CACNA1A: variants seen among roughly 807,000 people sequenced by gnomAD.
CACNA1A encodes the protein calcium voltage-gated channel subunit alpha1 A, also known as voltage-dependent P/Q-type calcium channel subunit alpha-1A.
Under a neutral mutation model 262.4 loss-of-function variants are expected in CACNA1A, and 57 were observed. The ratio of observed to expected loss-of-function variants is 0.22; its 90% CI spans 0.18 to 0.27. The LOEUF (loss-of-function observed/expected upper bound fraction) is 0.27, where lower values mean the gene tolerates loss of function less well. Among genes scored for constraint, CACNA1A ranks in the 10% least tolerant of loss-of-function variants. The pLI is 1.00. For missense variants in CACNA1A, 2,526 were observed against 3,562.8 expected (o/e 0.71, Z 7.41); for synonymous variants, 1,431 against 1,419.3 (o/e 1.01, Z -0.18).
chr19:13,430,452 C>T (rs556601216), intron 3 of CACNA1A, among the ~76,000 whole-genome samples: 43 of 152,040 alleles, frequency 2.8e-4, no homozygotes, highest in Admixed American at 4.6e-4. Flanking sequence ...GGTATCTGCC[C>T]GCCTCGGCCT....
Position 13,477,111 on chromosome 19 carries a change from C to T in CACNA1A, c.294-21899G>A, listed in dbSNP as rs984255608. 3.9e-5 allele frequency among the ~76,000 whole-genome samples: 6 copies of T among 152,192 alleles called. No homozygotes were observed. The South Asian group carries it at 8.3e-4, about 21-fold the overall frequency. ...TGCTCACTGGCTTCAGCCACATCTG[C>T]CTCCTCACTGTCACACATGTCACAT... On this transcript the variant is annotated intron_variant, in intron 1 of 46. Transcript: ENST00000360228.
At chr19:13,247,504 T>C (rs1382268905) in intron 30 of CACNA1A, among the ~76,000 whole-genome samples, 3 of 152,014 alleles carry the variant, frequency 2.0e-5, no homozygotes, top group Non-Finnish European at 4.4e-5. Flanking sequence ...CCATCCTGGA[T>C]AACATGGTGA....
chr19:13,217,744 G>A (rs2055068249), intron 38 of CACNA1A, among the ~76,000 whole-genome samples: 1 of 152,130 alleles, frequency 6.6e-6, no homozygotes, highest in Non-Finnish European at 1.5e-5. Context: ...TGTCATAGAA[G>A]CTGGGGTGCT....
intron 3 of CACNA1A, among the ~76,000 whole-genome samples, chr19:13,425,974 T>C (rs924891839): frequency 3.3e-5 from 5 of 152,096 alleles, no homozygotes; most frequent in Non-Finnish European, 1.5e-5. Context: ...AGGAGAATCA[T>C]TTGGGCCTGG....
chr19:13,428,330 T>C (rs1259193484), intron 3 of CACNA1A, among the ~76,000 whole-genome samples: 1 of 152,204 alleles, frequency 6.6e-6, no homozygotes, highest in Non-Finnish European at 1.5e-5. Flanking sequence ...TTTACCTGGA[T>C]TATTAGGCTG....
At chr19:13,288,350 G>A (rs545985598) in intron 19 of CACNA1A, among the ~76,000 whole-genome samples, 15 of 151,418 alleles carry the variant, frequency 9.9e-5, no homozygotes, top group Non-Finnish European at 2.1e-4. Flanking sequence ...AGTGATCCTC[G>A]TGCCTCAGCC....
intron 10 of CACNA1A, among the ~76,000 whole-genome samples, chr19:13,327,519 GA>G (rs564901003): frequency 0.018 from 1,971 of 109,560 alleles, 20 homozygotes; most frequent in East Asian, 0.046. Context: ...CTCCATCTCA[GA>G]AAAAAAAAAA....
chr19:13,299,107 C>T lies in CACNA1A; in HGVS notation c.2526G>A (p.Glu842=). The change falls in exon 19 of 47, where the codon GAG becomes GAA. Residue 842 remains glutamate, a synonymous_variant. Transcript: ENST00000360228. ...GGCCGAGGCGCTGGTCCACGGTGGG[C>T]TCGGCCGCCCGGCTCTTGTTGGTGT... is the stretch of plus-strand genomic sequence containing the variant. ...NNNTNKSRAA[E]PTVDQRLGQQ... 2 of 1,612,228 alleles carry T rather than the reference C, an allele frequency of 1.2e-6. No homozygotes were observed. Among genetic ancestry groups the T allele is most frequent in the Non-Finnish European group, 1.7e-6 (2 of 1,179,688 alleles).
chr19:13,385,159 G>A (rs1204141289), intron 3 of CACNA1A, among the ~76,000 whole-genome samples: 1 of 151,888 alleles, frequency 6.6e-6, no homozygotes, highest in Non-Finnish European at 1.5e-5. Flanking sequence ...CATCAGTGCA[G>A]AAAGTTCCAT....
At chr19:13,363,748 T>C (rs2059155362) in intron 5 of CACNA1A, 1 of 152,134 alleles carries the variant, frequency 6.6e-6, no homozygotes, top group Non-Finnish European at 1.5e-5. Context: ...CCACCTGGGT[T>C]CCCCTTTGGG....
At chr19:13,220,975 G>T (rs1245922837) in intron 38 of CACNA1A, among the ~76,000 whole-genome samples, 1 of 151,384 alleles carries the variant, frequency 6.6e-6, no homozygotes, top group African/African-American at 2.4e-5. Flanking sequence ...AACAATATCT[G>T]TCCTCCACCC....
At chr19:13,346,068 C>T (rs530980601) in intron 6 of CACNA1A, among the ~76,000 whole-genome samples, 1 of 151,986 alleles carries the variant, frequency 6.6e-6, no homozygotes, top group Non-Finnish European at 1.5e-5. Context: ...GCCTGGCTAA[C>T]TTTTTTGTAT....
intron 4 of CACNA1A, among the ~76,000 whole-genome samples, chr19:13,368,338 CTTT>C (rs796514314): frequency 2.1e-5 from 3 of 140,652 alleles, no homozygotes; most frequent in African/African-American, 5.2e-5. Flanking sequence ...CTATCATTGG[CTTT>C]TTTTTTTTTT....
chr19:13,271,216 T>TTTTTTC, intron 24 of CACNA1A: 1 of 36,802 alleles, frequency 2.7e-5, no homozygotes. Flanking sequence ...ATTCTGCTGT[T>TTTTTTC]TTTTTTTTTT....
intron 1 of CACNA1A, among the ~76,000 whole-genome samples, chr19:13,492,883 T>A (rs570348526): frequency 1.3e-5 from 2 of 152,250 alleles, no homozygotes; most frequent in Admixed American, 1.3e-4. Context: ...CCTCCATCTC[T>A]AAGCTGATAT....
chr19:13,310,705 A>G (rs927521459), intron 12 of CACNA1A, among the ~76,000 whole-genome samples: 1 of 151,152 alleles, frequency 6.6e-6, no homozygotes, highest in Non-Finnish European at 1.5e-5. Flanking sequence ...ATGCCACAAA[A>G]TATTTATCTG....
intron 3 of CACNA1A, among the ~76,000 whole-genome samples, chr19:13,415,753 A>G (rs2060209224): frequency 1.4e-5 from 2 of 142,402 alleles, no homozygotes; most frequent in African/African-American, 5.1e-5. Context: ...TAAAAAAAAA[A>G]AAAAAAAAAA....
In CACNA1A at chr19:13,494,739, G is replaced by A. The variant is rs1363344; in HGVS notation, c.293+11193C>T. Among the ~76,000 whole-genome samples, 1,036 of 152,236 alleles carry A rather than the reference G, an allele frequency of 6.8e-3. 6 individuals are homozygous for A. Among genetic ancestry groups the A allele is most frequent in the African/African-American group, 0.023 (966 of 41,522 alleles). On this transcript the variant is annotated intron_variant, in intron 1 of 46. Transcript: ENST00000360228. ...AGAAGGCAAAGGGAAAGCAAGGCAC[G>A]TCTTACATGGCAGCAGGAGAGGAGA...
In CACNA1A at chr19:13,345,206, C is replaced by T. The variant is rs558295913; in HGVS notation, c.979-9297G>A. The stretch of plus-strand genomic sequence containing the variant: ...TGGGCTGATGAAATACTCCCCACAT[C>T]TTCCTCGATTCCCGCCATCTCTGTG... On this transcript the variant is annotated intron_variant, in intron 6 of 46. Coordinates refer to ENST00000360228, the MANE Select transcript of CACNA1A (RefSeq NM_001127222.2). 3.9e-5 allele frequency among the ~76,000 whole-genome samples: 6 copies of T among 152,284 alleles called. No individual in the cohort carries two copies. In the South Asian group the frequency reaches 1.2e-3, roughly 32 times the overall value.
Sources: gnomAD v4.1 joint callset for allele counts (sites outside exome capture counted in the v4.1 genomes callset) on GRCh38, gnomAD v4.1.1 for gene constraint, MANE v1.5 for transcripts, NCBI Gene and HGNC (gene_info 2026-07-23, HGNC 2026-07-21) for gene names.